Variants in FHIT observed in about 807,000 individuals in gnomAD.
The protein encoded by FHIT is fragile histidine triad diadenosine triphosphatase, also known as bis(5'-adenosyl)-triphosphatase.
FHIT carries 19 observed loss-of-function variants against 17.9 expected under a neutral mutation model. The observed-to-expected ratio is 1.06, with a 90% CI of 0.74 to 1.56. The LOEUF is 1.56. Ranked by LOEUF, FHIT falls within the 40% of genes most tolerant of loss-of-function variation. The probability of loss-of-function intolerance (pLI) is 0.00; values close to 1 mark genes in which losing one functional copy is unlikely to be tolerated. For missense variants in FHIT, 248 were observed against 189.2 expected, an observed-to-expected ratio of 1.31 and a Z score of -1.82; for synonymous variants, 81 against 69.7, an observed-to-expected ratio of 1.16 and a Z score of -0.81.
intron 5 of FHIT, among the ~76,000 whole-genome samples, chr3:60,349,688 A>G (rs912699595): frequency 6.6e-6 from 1 of 152,224 alleles, no homozygotes; most frequent in Non-Finnish European, 1.5e-5. Context: ...CTTCCTGAGA[A>G]AAAGCAATTC....
chr3:60,024,819 G>T (rs1700679207), intron 5 of FHIT, among the ~76,000 whole-genome samples: 2 of 152,212 alleles, frequency 1.3e-5, no homozygotes. Context: ...TTGGTCAGCA[G>T]TCTGTATTTA....
In FHIT at chr3:61,208,680, T is replaced by G. The variant is rs575029381; in HGVS notation, c.-212-8015A>C. Among the ~76,000 whole-genome samples, 8 of 152,164 alleles carry G rather than the reference T, an allele frequency of 5.3e-5. No homozygotes were observed. In the South Asian group the frequency reaches 1.5e-3, roughly 28 times the overall value. On this transcript the variant is annotated intron_variant, in intron 1 of 9. Transcript: ENST00000492590. ...TTTCCATTTGCTTGGTAGATCTTCC[T>G]CCATCCCTTTATTTTGAGCCTATGT...
chr3:59,822,119 T>C (rs1196204261), intron 8 of FHIT, among the ~76,000 whole-genome samples: 3 of 152,356 alleles, frequency 2.0e-5, no homozygotes, highest in Non-Finnish European at 4.4e-5. Flanking sequence ...TTGCTGTGAA[T>C]GCCATTAATT....
chr3:60,219,751 C>T (rs1331270866), intron 5 of FHIT, among the ~76,000 whole-genome samples: 3 of 152,088 alleles, frequency 2.0e-5, no homozygotes, highest in Non-Finnish European at 4.4e-5. Context: ...TGTCCTCACC[C>T]AGAAGCTAAT....
chr3:60,504,430 CA>C lies in FHIT; in HGVS notation c.103+32429del, dbSNP rs10553211. Among the ~76,000 whole-genome samples, 636 of 146,064 alleles carry C rather than the reference CA, an allele frequency of 4.4e-3. 5 individuals carry two copies. The highest frequency in any genetic ancestry group is 0.011 in the South Asian group (50 of 4,622). On this transcript the variant is annotated intron_variant, in intron 5 of 9. Coordinates refer to ENST00000492590, the MANE Select transcript of FHIT (RefSeq NM_002012.4). ...CTGGCGACAGAACGAGACCCCGTCTCAAAAAAAAAAAAATTTTTTTTTTGGT... is the reference window on the plus strand; with the variant it reads ...CTGGCGACAGAACGAGACCCCGTCTCAAAAAAAAAAAATTTTTTTTTTGGT...
intron 4 of FHIT, among the ~76,000 whole-genome samples, chr3:60,619,600 C>CAAA (rs57198487): frequency 5.6e-5 from 5 of 88,690 alleles, no homozygotes; most frequent in African/African-American, 1.4e-4. Context: ...TACCCACATG[C>CAAA]AAAAAAAAAA....
At chr3:60,787,635 C>T (rs67260172) in intron 4 of FHIT, among the ~76,000 whole-genome samples, 8,604 of 152,282 alleles carry the variant, frequency 0.057, 260 homozygotes, top group African/African-American at 0.085. Flanking sequence ...GGCATCCATT[C>T]TTTGTGCATT....
Position 60,548,439 on chromosome 3 carries a change from G to T in FHIT, c.-17-11460C>A, listed in dbSNP as rs188020379. On this transcript the variant is annotated intron_variant, in intron 4 of 9. Transcript: ENST00000492590. ...TGAGGGCCTTCAAAACCCACTGGCC[G>T]AAGTTTAAGAAACTCAGGCCTTCAG... is the stretch of plus-strand genomic sequence containing the variant. Among the ~76,000 whole-genome samples the T allele has an allele frequency of 2.0e-5, 3 of 152,094 alleles. No individual in the cohort carries two copies. The South Asian group carries it at 6.2e-4, about 32-fold the overall frequency.
intron 2 of FHIT, among the ~76,000 whole-genome samples, chr3:61,193,671 A>C (rs1052171827): frequency 6.6e-6 from 1 of 152,198 alleles, no homozygotes; most frequent in Non-Finnish European, 1.5e-5. Flanking sequence ...ACAATTTTTC[A>C]GAATGAAATC....
chr3:60,657,811 G>T (rs577592775), intron 4 of FHIT, among the ~76,000 whole-genome samples: 1 of 152,090 alleles, frequency 6.6e-6, no homozygotes, highest in Admixed American at 6.6e-5. Context: ...CCCTTAGGTG[G>T]TTTAATCACA....
At chr3:60,509,986 C>T (rs937013827) in intron 5 of FHIT, among the ~76,000 whole-genome samples, 5 of 152,184 alleles carry the variant, frequency 3.3e-5, no homozygotes, top group African/African-American at 7.2e-5. Flanking sequence ...CTAGCAGCTT[C>T]AGCCTACAGC....
chr3:59,952,231 T>C (rs1273231939), intron 7 of FHIT, among the ~76,000 whole-genome samples: 1 of 152,206 alleles, frequency 6.6e-6, no homozygotes, highest in Non-Finnish European at 1.5e-5. Context: ...AAATCTGACA[T>C]TATGTAACAC....
chr3:60,768,872 C>T (rs534285636), intron 4 of FHIT, among the ~76,000 whole-genome samples: 2 of 152,296 alleles, frequency 1.3e-5, no homozygotes, highest in South Asian at 4.1e-4. Flanking sequence ...CAGAAAAATA[C>T]CCTGACTGGA....
chr3:60,176,060 T>C (rs1486863214), intron 5 of FHIT, among the ~76,000 whole-genome samples: 1 of 152,174 alleles, frequency 6.6e-6, no homozygotes, highest in Admixed American at 6.5e-5. Context: ...TAAATTTAAA[T>C]AGCCACATGT....
At chr3:59,934,665 G>T (rs950403902) in intron 7 of FHIT, among the ~76,000 whole-genome samples, 1 of 152,140 alleles carries the variant, frequency 6.6e-6, no homozygotes, top group Admixed American at 6.6e-5. Context: ...TGGCTAGGGA[G>T]GCCTCAGGAA....
intron 8 of FHIT, among the ~76,000 whole-genome samples, chr3:59,810,861 G>A (rs1190941236): frequency 6.6e-6 from 1 of 152,204 alleles, no homozygotes; most frequent in Non-Finnish European, 1.5e-5. Flanking sequence ...ATAAGACTGA[G>A]TCAGGTTTTG....
chr3:60,266,555 A>G (rs566779989), intron 5 of FHIT, among the ~76,000 whole-genome samples: 2 of 152,202 alleles, frequency 1.3e-5, no homozygotes, highest in South Asian at 4.1e-4. Context: ...TATGCTACAT[A>G]TATTATATCT....
chr3:60,822,259 C>T (rs1244880177), intron 3 of FHIT, among the ~76,000 whole-genome samples: 1 of 152,154 alleles, frequency 6.6e-6, no homozygotes, highest in Non-Finnish European at 1.5e-5. Context: ...AGAACCATGC[C>T]TTAATTATTC....
intron 7 of FHIT, among the ~76,000 whole-genome samples, chr3:60,004,155 T>C (rs1699833424): frequency 6.6e-6 from 1 of 152,080 alleles, no homozygotes; most frequent in African/African-American, 2.4e-5. Context: ...TAGGTGGTAT[T>C]TTAGGGTCTA....
Sources: gnomAD v4.1 joint callset for allele counts (sites outside exome capture counted in the v4.1 genomes callset) on GRCh38, gnomAD v4.1.1 for gene constraint, MANE v1.5 for transcripts, NCBI Gene and HGNC (gene_info 2026-07-23, HGNC 2026-07-21) for gene names.